UNC80: variants seen among roughly 807,000 people sequenced by gnomAD.
UNC80 encodes protein unc-80 homolog.
UNC80 carries 164 observed loss-of-function variants against 384.6 expected under a neutral mutation model. The ratio of observed to expected loss-of-function variants is 0.43; its 90% CI spans 0.38 to 0.49. The LOEUF (loss-of-function observed/expected upper bound fraction) is 0.49. Ranked by LOEUF, UNC80 falls within the 20% of genes least tolerant of loss-of-function variation. The pLI is 0.00. For synonymous variants in UNC80, 1,486 were observed against 1,527.8 expected, an observed-to-expected ratio of 0.97 and a Z score of 0.64; for missense variants, 3,330 against 4,143.0, an observed-to-expected ratio of 0.80 and a Z score of 5.39.
At chr2:209,918,771 AAGTC>A (rs2089777520) in intron 33 of UNC80, 108 bp downstream of exon 33, 2 of 1,257,700 alleles carry the variant, frequency 1.6e-6, no homozygotes, top group Non-Finnish European at 1.1e-6. Context: ...ATAACACAGA[AAGTC>A]AGCACAAAAG....
chr2:209,941,288 G>T lies in UNC80; in HGVS notation c.6714G>T (p.Met2238Ile). The T allele has an allele frequency of 6.5e-7, 1 of 1,545,266 alleles. No individual in the cohort carries two copies. Among genetic ancestry groups the T allele is most frequent in the Non-Finnish European group, 8.8e-7 (1 of 1,141,630 alleles). The change falls in exon 44 of 65, where the codon ATG becomes ATT. Residue 2238 changes from methionine to isoleucine, a missense_variant. This residue lies in a region of UNC80 where 1,049 missense variants were observed against 1,488.6 expected (regional missense o/e 0.70). Coordinates refer to ENST00000673920, the MANE Select transcript of UNC80 (RefSeq NM_001371986.1). ...KSLWIQLLEE[M>I]FLGMPSEFPW... ...TGTGGATCCAGCTGCTGGAGGAAAT[G>T]TTCCTGGGCATGCCGAGCGAGTTTC...
Position 209,883,295 on chromosome 2 carries a change from T to C in UNC80, c.4110+2201T>C, listed in dbSNP as rs191855179. On this transcript the variant is annotated intron_variant, in intron 25 of 64. Coordinates refer to ENST00000673920, the MANE Select transcript of UNC80 (RefSeq NM_001371986.1). Reference sequence around the variant, plus strand: ...AATTTTTAAGTGTATAATATGTTATTGTTGACTGTAGCTATAATGTTGAAC... The same window carrying C: ...AATTTTTAAGTGTATAATATGTTATCGTTGACTGTAGCTATAATGTTGAAC... 1.5e-4 allele frequency among the ~76,000 whole-genome samples: 23 copies of C among 152,286 alleles called. No individual in the cohort carries two copies. The East Asian group carries it at 4.1e-3, about 27-fold the overall frequency.
intron 1 of UNC80, 119 bp from the exon 2 acceptor site, chr2:209,772,975 G>A: frequency 1.3e-6 from 1 of 785,168 alleles, no homozygotes; most frequent in Non-Finnish European, 2.1e-6. Context: ...AAGCTATAAG[G>A]AAGCATGAAA....
intron 29 of UNC80, among the ~76,000 whole-genome samples, chr2:209,906,854 A>G (rs1183213815): frequency 6.6e-6 from 1 of 152,200 alleles, no homozygotes; most frequent in Non-Finnish European, 1.5e-5. Context: ...TCTTACTATA[A>G]AAACTCCCTT....
chr2:209,797,414 A>G (rs1403869804), intron 7 of UNC80, among the ~76,000 whole-genome samples: 3 of 152,124 alleles, frequency 2.0e-5, no homozygotes, highest in East Asian at 1.9e-4. Context: ...ATGAGTGAGA[A>G]CATGTGGTGT....
At chr2:209,993,973 C>A in intron 63 of UNC80, 92 bp from the exon 64 acceptor site, 1 of 1,125,984 alleles carries the variant, frequency 8.9e-7, no homozygotes, top group Non-Finnish European at 1.2e-6. Context: ...TTAAAAAATC[C>A]CCAGGAGACA....
Position 209,813,672 on chromosome 2 carries a change from C to T in UNC80, c.1031C>T (p.Ser344Phe), listed in dbSNP as rs2153827291. ...VLRCLLQPHW[S>F]EEGTQWSLMY... Reference sequence around the variant, plus strand: ...CGCTGCCTACTTCAGCCCCATTGGTCTGAGGAAGGCACTCAGTGGTCTCTG... The same window carrying T: ...CGCTGCCTACTTCAGCCCCATTGGTTTGAGGAAGGCACTCAGTGGTCTCTG... The change falls in exon 8 of 65, where the codon TCT (serine) becomes TTT (phenylalanine). Residue 344 changes from serine (S) to phenylalanine (F), a missense_variant. Ser to Phe is a radical substitution (Grantham distance 155). Around this residue, in one of 8 missense-constraint regions of UNC80, gnomAD observed 937 missense variants for 1,026.8 expected, o/e 0.91. Coordinates refer to ENST00000673920, the MANE Select transcript of UNC80 (RefSeq NM_001371986.1). 1 of 1,551,764 alleles carries T rather than the reference C, an allele frequency of 6.4e-7. No homozygotes were observed. Among genetic ancestry groups the T allele is most frequent in the East Asian group, 2.4e-5 (1 of 40,912 alleles).
intron 21 of UNC80, among the ~76,000 whole-genome samples, chr2:209,849,133 C>T (rs749998342): frequency 1.6e-4 from 24 of 152,078 alleles, no homozygotes; most frequent in Non-Finnish European, 2.6e-4. Flanking sequence ...TTGTTGATTA[C>T]AGGAAGAATA....
chr2:209,795,706 G>T (rs899385660), intron 7 of UNC80: 1 of 152,276 alleles, frequency 6.6e-6, no homozygotes, highest in African/African-American at 2.4e-5. Context: ...TGTGACTTCA[G>T]AGGGTGGAAG....
At chr2:209,887,603 C>T (rs2085943639) in intron 25 of UNC80, among the ~76,000 whole-genome samples, 1 of 152,162 alleles carries the variant, frequency 6.6e-6, no homozygotes, top group South Asian at 2.1e-4. Context: ...GAGCACAGTT[C>T]CGAGTCTGAT....
Position 209,803,653 on chromosome 2 carries a change from T to C in UNC80, c.938+9794T>C, listed in dbSNP as rs181626101. 8.3e-3 allele frequency among the ~76,000 whole-genome samples: 1,260 copies of C among 152,336 alleles called. 7 individuals carry two copies. The highest frequency in any genetic ancestry group is 0.017 in the Middle Eastern group (5 of 294). On this transcript the variant is annotated intron_variant, in intron 7 of 64. Coordinates refer to ENST00000673920, the MANE Select transcript of UNC80 (RefSeq NM_001371986.1). ...AGTCCTTTACATTCTGCCTTCTTAA[T>C]GTCTGTCAAATCTTTTTTCTCCAAC...
rs372752945 is a variant in UNC80, at chr2:209,993,311, T to C, written c.9397-4T>C. ...GCAAGTTTTATTCTGCCTATTCTCT[T>C]TAGCTAAGACGTCCTCTACTATCAC... On this transcript the variant is annotated splice_polypyrimidine_tract_variant and splice_region_variant and intron_variant, in intron 62 of 64. Coordinates refer to ENST00000673920, the MANE Select transcript of UNC80 (RefSeq NM_001371986.1). The C allele has an allele frequency of 3.0e-4, 464 of 1,551,332 alleles. No homozygotes were observed. The highest frequency in any genetic ancestry group is 6.0e-5 in the Non-Finnish European group (69 of 1,146,676).
At position 209,993,297 on chromosome 2, in the gene UNC80, T is replaced by G. The variant is rs2093424888; in HGVS notation, c.9397-18T>G. 1 of 1,544,530 alleles carries G rather than the reference T, an allele frequency of 6.5e-7. No individual in the cohort carries two copies. Among genetic ancestry groups the G allele is most frequent in the Admixed American group, 2.0e-5 (1 of 50,532 alleles). On this transcript the variant is annotated intron_variant, in intron 62 of 64. Coordinates refer to ENST00000673920, the MANE Select transcript of UNC80 (RefSeq NM_001371986.1). ...AGTTAGACCCTCTTGCAAGTTTTATTCTGCCTATTCTCTTTAGCTAAGACG... is the reference window on the plus strand; with the variant it reads ...AGTTAGACCCTCTTGCAAGTTTTATGCTGCCTATTCTCTTTAGCTAAGACG...
chr2:209,937,434 C>A, intron 41 of UNC80, 95 bp from the exon 42 acceptor site: 1 of 892,184 alleles, frequency 1.1e-6, no homozygotes, highest in Admixed American at 2.2e-5. Context: ...CCTGGCATAG[C>A]ATCCTAGTGC....
chr2:209,957,643 G>T lies in UNC80; in HGVS notation c.7458-1G>T, dbSNP rs2092461670. 6.5e-7 allele frequency: 1 copy of T among 1,550,290 alleles called. No homozygotes were observed. The highest frequency in any genetic ancestry group is 2.0e-5 in the Admixed American group (1 of 50,936). ...TGTGGTGATTACTGTCATTGTTACA[G>T]GCCCATGACAGCCCCACAGATGAGC... On this transcript the variant is annotated splice_acceptor_variant, in intron 48 of 64. Coordinates refer to ENST00000673920, the MANE Select transcript of UNC80 (RefSeq NM_001371986.1). LOFTEE classifies it high-confidence loss of function.
rs191431645 is a variant in UNC80, at chr2:209,826,234, C to G, written c.2478+181C>G. Among the ~76,000 whole-genome samples the G allele has an allele frequency of 4.1e-3, 624 of 152,292 alleles. 6 individuals are homozygous for G. The highest frequency in any genetic ancestry group is 6.2e-3 in the Non-Finnish European group (420 of 68,012). Reference sequence around the variant, plus strand: ...TATCTCAAGCCATCTAAAACCCAGGCTTAGGAAAGTTTAATTGGGAAAACA... The same window carrying G: ...TATCTCAAGCCATCTAAAACCCAGGGTTAGGAAAGTTTAATTGGGAAAACA... On this transcript the variant is annotated intron_variant, in intron 14 of 64. Coordinates refer to ENST00000673920, the MANE Select transcript of UNC80 (RefSeq NM_001371986.1).
rs749870075 is a variant in UNC80 at position 209,793,760 on chromosome 2, T to C, written c.839T>C (p.Ile280Thr). ...TGTGAAACATTCCAGTCTGATTCCA[T>C]CTCACCCAAGGCCACCATTTCAGGC... ...VVCETFQSDSISPKATISGCH... is the reference protein window; with the variant it reads ...VVCETFQSDSTSPKATISGCH... The change falls in exon 7 of 65, where the codon ATC becomes ACC. Residue 280 changes from isoleucine to threonine, a missense_variant. By Grantham distance (89) the Ile-to-Thr change is moderately conservative. Around this residue, in one of 8 missense-constraint regions of UNC80, gnomAD observed 937 missense variants for 1,026.8 expected, o/e 0.91. Transcript: ENST00000673920. 6.2e-7 allele frequency: 1 copy of C among 1,614,114 alleles called. No individual in the cohort carries two copies. The highest frequency in any genetic ancestry group is 1.1e-5 in the South Asian group (1 of 91,080).
chr2:209,892,635 C>A (rs1316822668), intron 26 of UNC80, among the ~76,000 whole-genome samples: 1 of 152,112 alleles, frequency 6.6e-6, no homozygotes, highest in African/African-American at 2.4e-5. Context: ...AGAATATTAG[C>A]GTGTGCCTCT....
At chr2:209,995,105 C>G (rs563691479) in intron 64 of UNC80, among the ~76,000 whole-genome samples, 2 of 152,238 alleles carry the variant, frequency 1.3e-5, no homozygotes, top group African/African-American at 4.8e-5. Context: ...TCCTCACAGT[C>G]TACAAGATAA....
Sources: gnomAD v4.1 joint callset for allele counts (sites outside exome capture counted in the v4.1 genomes callset) on GRCh38, gnomAD v4.1.1 for gene constraint, gnomAD v4.1.1 regional missense constraint, MANE v1.5 for transcripts, NCBI Gene and HGNC (gene_info 2026-07-23, HGNC 2026-07-21) for gene names.